DLG1: variants seen among roughly 807,000 people sequenced by gnomAD.
The protein encoded by DLG1 is disks large homolog 1.
A neutral mutation model predicts 123.4 loss-of-function variants in DLG1; 42 were observed. The observed-to-expected ratio is 0.34, with a 90% confidence interval of 0.27 to 0.44. The LOEUF (loss-of-function observed/expected upper bound fraction) is 0.44, where lower values mean the gene tolerates loss of function less well. Ranked by LOEUF, DLG1 falls within the 20% of genes least tolerant of loss-of-function variation. DLG1 has a pLI of 1.00. For missense variants in DLG1, 942 were observed against 1,082.6 expected (o/e 0.87, Z 1.82); for synonymous variants, 317 against 356.2 (o/e 0.89, Z 1.24).
intron 4 of DLG1, among the ~76,000 whole-genome samples, chr3:197,196,785 T>C (rs1340981102): frequency 6.6e-6 from 1 of 152,190 alleles, no homozygotes; most frequent in Non-Finnish European, 1.5e-5. Flanking sequence ...GGAAAGGATG[T>C]TTCAAAGCTA....
intron 10 of DLG1, among the ~76,000 whole-genome samples, chr3:197,136,171 C>CAGAA (rs1784970931): frequency 6.6e-6 from 1 of 152,082 alleles, no homozygotes; most frequent in African/African-American, 2.4e-5. Flanking sequence ...GGTTGATGTT[C>CAGAA]TAATTCTTGG....
intron 4 of DLG1, 76 bp from the exon 5 acceptor site, chr3:197,194,665 C>T: frequency 1.0e-6 from 1 of 971,632 alleles, no homozygotes; most frequent in Non-Finnish European, 1.5e-6. Flanking sequence ...TCATAACTAG[C>T]CAAATACTCA....
In DLG1 at chr3:197,273,865, A is replaced by AAAAAAAC. The variant is rs1553804416; in HGVS notation, c.318+8813_318+8814insGTTTTTT. 2.8e-5 allele frequency among the ~76,000 whole-genome samples: 4 copies of AAAAAAAC among 145,432 alleles called. 1 individual carries two copies. Among genetic ancestry groups the AAAAAAAC allele is most frequent in the Non-Finnish European group, 4.5e-5 (3 of 66,134 alleles). On this transcript the variant is annotated intron_variant, in intron 4 of 24. Coordinates refer to ENST00000667157, the MANE Select transcript of DLG1 (RefSeq NM_001366207.1). ...AATAGCTACCAAAAAAAAAAAAAAAACCAAAACAAACCTAGGAATAAATTT... is the reference window on the plus strand; with the variant it reads ...AATAGCTACCAAAAAAAAAAAAAAAAAAAAAACCCAAAACAAACCTAGGAATAAATTT...
chr3:197,278,080 T>A (rs1241526767), intron 4 of DLG1, among the ~76,000 whole-genome samples: 1 of 150,858 alleles, frequency 6.6e-6, no homozygotes, highest in Admixed American at 6.6e-5. Flanking sequence ...AGGTCAAGAG[T>A]TTGAGACCAG....
At chr3:197,124,896 G>A (rs1778256051) in intron 11 of DLG1, among the ~76,000 whole-genome samples, 1 of 152,056 alleles carries the variant, frequency 6.6e-6, no homozygotes, top group Non-Finnish European at 1.5e-5. Context: ...AAACATGTTC[G>A]TGTGCTGATG....
intron 5 of DLG1, among the ~76,000 whole-genome samples, chr3:197,168,035 G>A (rs1481364586): frequency 1.3e-5 from 2 of 152,150 alleles, no homozygotes; most frequent in East Asian, 3.8e-4. Flanking sequence ...TCAAAGCAAA[G>A]CACAAAAATT....
chr3:197,056,585 C>T (rs112659239), intron 23 of DLG1, among the ~76,000 whole-genome samples: 1,779 of 152,204 alleles, frequency 0.012, 21 homozygotes, highest in African/African-American at 0.04. Flanking sequence ...CTTTTTATGA[C>T]GGGTTCAAGT....
intron 15 of DLG1, among the ~76,000 whole-genome samples, chr3:197,090,627 T>C (rs1276013574): frequency 1.3e-5 from 2 of 152,096 alleles, no homozygotes; most frequent in East Asian, 1.9e-4. Flanking sequence ...TTGTAGTCAC[T>C]ACTAACACAT....
chr3:197,243,513 G>T (rs953454810), intron 4 of DLG1, among the ~76,000 whole-genome samples: 6 of 152,138 alleles, frequency 3.9e-5, no homozygotes, highest in Non-Finnish European at 7.4e-5. Flanking sequence ...AAGAAATCAG[G>T]AAAGTTTCAG....
chr3:197,066,761 G>C lies in DLG1; in HGVS notation c.2048-7C>G, dbSNP rs375272659. On this transcript the variant is annotated splice_polypyrimidine_tract_variant and splice_region_variant and intron_variant, in intron 19 of 24. Coordinates refer to ENST00000667157, the MANE Select transcript of DLG1 (RefSeq NM_001366207.1). ...ACGTATTCTTCTTGACCACCTATTA[G>C]AAAGTGAAGGCACAGATGAAAAATG... is the stretch of plus-strand genomic sequence containing the variant. 4.4e-6 allele frequency: 7 copies of C among 1,584,330 alleles called. No homozygotes were observed. Among genetic ancestry groups the C allele is most frequent in the Non-Finnish European group, 6.0e-6 (7 of 1,157,238 alleles).
In DLG1 at chr3:197,065,293, G is replaced by C. The variant is rs749544930; in HGVS notation, c.2356C>G (p.Arg786Gly). The C allele has an allele frequency of 1.9e-6, 3 of 1,605,816 alleles. No homozygotes were observed. The highest frequency in any genetic ancestry group is 2.5e-6 in the Non-Finnish European group (3 of 1,177,644). ...HLYGTSVQSV[R>G]EVAEKGKHCI... ...ATGCTTACCTTTTCTGCTACTTCTC[G>C]TACAGACTGAACACTTGTTCCATAT... The change falls in exon 22 of 25, where the codon CGA becomes GGA. Residue 786 changes from arginine to glycine, a missense_variant. Coordinates refer to ENST00000667157, the MANE Select transcript of DLG1 (RefSeq NM_001366207.1).
chr3:197,099,034 C>T (rs571491554), intron 14 of DLG1, among the ~76,000 whole-genome samples: 24 of 152,226 alleles, frequency 1.6e-4, no homozygotes, highest in East Asian at 1.2e-3. Flanking sequence ...TGTATATTTT[C>T]GTAAATACTC....
chr3:197,130,326 G>A (rs1392518056), intron 11 of DLG1, among the ~76,000 whole-genome samples: 1 of 151,656 alleles, frequency 6.6e-6, no homozygotes, highest in Non-Finnish European at 1.5e-5. Context: ...AATAATAAAG[G>A]TGAAAAGGAT....
intron 3 of DLG1, among the ~76,000 whole-genome samples, chr3:197,287,412 T>C (rs1158026607): frequency 2.0e-5 from 3 of 151,852 alleles, no homozygotes; most frequent in African/African-American, 2.4e-5. Context: ...CAATAGATTA[T>C]AATAATGTTG....
chr3:197,108,759 C>T (rs1768076182), intron 13 of DLG1, among the ~76,000 whole-genome samples: 2 of 152,062 alleles, frequency 1.3e-5, no homozygotes, highest in South Asian at 4.1e-4. Context: ...GTCTTTGAGT[C>T]TAAAGTGTCT....
intron 17 of DLG1, among the ~76,000 whole-genome samples, chr3:197,077,675 T>G (rs901082031): frequency 6.6e-6 from 1 of 152,206 alleles, no homozygotes; most frequent in African/African-American, 2.4e-5. Flanking sequence ...TTATTGCACA[T>G]GTTGGAAACA....
At chr3:197,135,484 G>C (rs1459023298) in intron 10 of DLG1, among the ~76,000 whole-genome samples, 10 of 152,176 alleles carry the variant, frequency 6.6e-5, no homozygotes, top group Admixed American at 6.5e-4. Flanking sequence ...CACCATGACT[G>C]TAAGTTTCCT....
At chr3:197,175,844 T>C (rs138206223) in intron 5 of DLG1, among the ~76,000 whole-genome samples, 1 of 152,240 alleles carries the variant, frequency 6.6e-6, no homozygotes, top group African/African-American at 2.4e-5. Context: ...CAAACAAACA[T>C]TACTTGAAAA....
chr3:197,052,801 G>T (rs1728828052), intron 23 of DLG1, among the ~76,000 whole-genome samples: 1 of 152,146 alleles, frequency 6.6e-6, no homozygotes, highest in Non-Finnish European at 1.5e-5. Flanking sequence ...GTGTGGCGGG[G>T]TGGGGGCATA....
Sources: allele counts gnomAD v4.1 joint callset (sites outside exome capture counted in the v4.1 genomes callset), GRCh38; gene constraint gnomAD v4.1.1; transcripts MANE v1.5; gene names NCBI Gene and HGNC (gene_info 2026-07-23, HGNC 2026-07-21).